The following CSMD1 variants were observed in gnomAD, a reference collection of about 807,000 sequenced individuals.
CSMD1 encodes the protein CUB and Sushi multiple domains 1.
Under a neutral mutation model 417.5 loss-of-function variants are expected in CSMD1, and 213 were observed. The observed-to-expected ratio is 0.51, with a 90% CI of 0.46 to 0.57. The LOEUF is 0.57. Ranked by LOEUF, CSMD1 falls within the 20% of genes least tolerant of loss-of-function variation. The probability of loss-of-function intolerance (pLI) is 0.00; values close to 1 mark genes in which losing one functional copy is unlikely to be tolerated. For synonymous variants in CSMD1, 2,862 were observed against 1,736.8 expected (o/e 1.65, Z -16.11); for missense variants, 6,923 against 4,529.7 (o/e 1.53, Z -15.17).
In CSMD1 at chr8:3,347,460, C is replaced by G. The variant is rs963117302; in HGVS notation, c.3474+532G>C. 2.0e-5 allele frequency among the ~76,000 whole-genome samples: 3 copies of G among 152,182 alleles called. No individual in the cohort carries two copies. In the East Asian group the frequency reaches 5.8e-4, roughly 29 times the overall value. On this transcript the variant is annotated intron_variant, in intron 22 of 69. Transcript: ENST00000635120. ...CCTGGCTTGGCTTCTCCTCATCAGC[C>G]CTGTCTGTGATCTGACCACTGTGGC... is the stretch of plus-strand genomic sequence containing the variant.
intron 13 of CSMD1, 34 bp from the exon 14 acceptor site, chr8:3,408,259 T>C (rs759469315): frequency 2.4e-5 from 36 of 1,493,372 alleles, no homozygotes; most frequent in Non-Finnish European, 3.0e-5. Context: ...CAAACAGTTA[T>C]GCACATATCC....
intron 1 of CSMD1, among the ~76,000 whole-genome samples, chr8:4,925,288 T>A (rs1363653369): frequency 1.6e-5 from 2 of 124,750 alleles, no homozygotes; most frequent in Non-Finnish European, 1.6e-5. Context: ...AGAGTTCAAC[T>A]TGAAGGTTAA....
At chr8:4,118,433 A>T (rs907782049) in intron 3 of CSMD1, among the ~76,000 whole-genome samples, 1 of 152,114 alleles carries the variant, frequency 6.6e-6, no homozygotes, top group African/African-American at 2.4e-5. Flanking sequence ...TATACAAAGG[A>T]TATGGACAGT....
intron 25 of CSMD1, among the ~76,000 whole-genome samples, chr8:3,303,943 C>A (rs369243337): frequency 1.3e-5 from 1 of 74,878 alleles, no homozygotes; most frequent in Non-Finnish European, 3.3e-5. Flanking sequence ...TGGGGTATTG[C>A]GCCCCATTAT....
intron 12 of CSMD1, among the ~76,000 whole-genome samples, chr8:3,451,721 T>A (rs1298327330): frequency 1.3e-5 from 2 of 152,216 alleles, no homozygotes; most frequent in Non-Finnish European, 2.9e-5. Context: ...TACGGTAGCC[T>A]TGTAATATAG....
At chr8:3,038,975 A>G (rs1346662117) in intron 50 of CSMD1, among the ~76,000 whole-genome samples, 1 of 152,158 alleles carries the variant, frequency 6.6e-6, no homozygotes, top group African/African-American at 2.4e-5. Context: ...CTGATAAGAA[A>G]TTCTACAAGA....
At chr8:3,039,884 A>G (rs1173593023) in intron 50 of CSMD1, among the ~76,000 whole-genome samples, 4 of 152,196 alleles carry the variant, frequency 2.6e-5, no homozygotes, top group Non-Finnish European at 4.4e-5. Flanking sequence ...GCCGTCCCCA[A>G]TATCAAACCA....
rs576647052 is a variant in CSMD1, at chr8:4,774,350, C to T, written c.86-136792G>A. Reference sequence around the variant, plus strand: ...CAGGTCTCTCAAAACTGAAGGAAATCCATGAGTAAGATCAGAGAACCAAAG... The same window carrying T: ...CAGGTCTCTCAAAACTGAAGGAAATTCATGAGTAAGATCAGAGAACCAAAG... On this transcript the variant is annotated intron_variant, in intron 1 of 69. Transcript: ENST00000635120. 1.5e-3 allele frequency among the ~76,000 whole-genome samples: 227 copies of T among 152,270 alleles called. 1 individual carries two copies. The highest frequency in any genetic ancestry group is 2.5e-3 in the Non-Finnish European group (169 of 68,028).
intron 6 of CSMD1, among the ~76,000 whole-genome samples, chr8:3,753,499 T>G (rs2128078): frequency 0.75 from 113,397 of 152,170 alleles, 42,261 homozygotes; most frequent in South Asian, 0.83. Flanking sequence ...TACTGAATCA[T>G]GCATTTATGT....
At chr8:3,724,125 C>T (rs1802347943) in intron 6 of CSMD1, among the ~76,000 whole-genome samples, 1 of 51,658 alleles carries the variant, frequency 1.9e-5, no homozygotes, top group African/African-American at 3.5e-5. Context: ...TATGAGAAAC[C>T]AGCCTCTTTC....
chr8:4,713,127 C>A (rs531689993), intron 1 of CSMD1, among the ~76,000 whole-genome samples: 9 of 152,252 alleles, frequency 5.9e-5, no homozygotes, highest in Admixed American at 1.3e-4. Flanking sequence ...AAGAAAATTG[C>A]CACTAGGACC....
intron 3 of CSMD1, among the ~76,000 whole-genome samples, chr8:4,336,059 A>G (rs1389932886): frequency 1.3e-5 from 2 of 152,138 alleles, no homozygotes; most frequent in Non-Finnish European, 2.9e-5. Flanking sequence ...GTCTTCAATA[A>G]TGATTAAGTT....
intron 49 of CSMD1, 134 bp downstream of exon 49, chr8:3,086,963 C>G: frequency 1.2e-6 from 1 of 811,916 alleles, no homozygotes; most frequent in Non-Finnish European, 1.9e-6. Context: ...AGGTTTAATT[C>G]GTACTGTTAT....
intron 2 of CSMD1, among the ~76,000 whole-genome samples, chr8:4,625,084 T>C (rs755671600): frequency 2.6e-5 from 4 of 152,090 alleles, no homozygotes; most frequent in Non-Finnish European, 4.4e-5. Flanking sequence ...GTTCCTTAAT[T>C]GGATGGGTCA....
intron 7 of CSMD1, among the ~76,000 whole-genome samples, chr8:3,675,202 G>T (rs1400132000): frequency 6.6e-6 from 1 of 152,068 alleles, no homozygotes; most frequent in African/African-American, 2.4e-5. Flanking sequence ...CTCACAGAAG[G>T]CCTGACCACA....
intron 12 of CSMD1, among the ~76,000 whole-genome samples, chr8:3,456,120 A>G (rs1264154309): frequency 6.6e-6 from 1 of 152,186 alleles, no homozygotes; most frequent in Non-Finnish European, 1.5e-5. Flanking sequence ...CAGGTGCAGG[A>G]TATAATCTCC....
chr8:3,349,327 T>G (rs1808235442), intron 21 of CSMD1, among the ~76,000 whole-genome samples: 1 of 152,172 alleles, frequency 6.6e-6, no homozygotes, highest in Non-Finnish European at 1.5e-5. Context: ...GCTACATCAC[T>G]GGCCATGATA....
chr8:4,591,160 G>C (rs975162850), intron 2 of CSMD1, among the ~76,000 whole-genome samples: 2 of 152,200 alleles, frequency 1.3e-5, no homozygotes, highest in East Asian at 1.9e-4. Context: ...TGTGTGTTGA[G>C]TGCTTACTGT....
At chr8:3,575,340 C>A (rs1800107983) in intron 9 of CSMD1, among the ~76,000 whole-genome samples, 3 of 152,120 alleles carry the variant, frequency 2.0e-5, no homozygotes, top group Admixed American at 2.0e-4. Flanking sequence ...CAGATGACAG[C>A]CTCATGTGCA....
Sources: gnomAD v4.1 joint callset for allele counts (sites outside exome capture counted in the v4.1 genomes callset) on GRCh38, gnomAD v4.1.1 for gene constraint, MANE v1.5 for transcripts, NCBI Gene and HGNC (gene_info 2026-07-23, HGNC 2026-07-21) for gene names.